ABCA1: variants seen among roughly 807,000 people sequenced by gnomAD.
The protein encoded by ABCA1 is ATP binding cassette subfamily A member 1.
Under a neutral mutation model 262.5 loss-of-function variants are expected in ABCA1, and 133 were observed. The observed-to-expected ratio is 0.51, with a 90% CI of 0.44 to 0.59. The LOEUF is 0.59. ABCA1 is among the 20% of genes least tolerant of loss of function. The pLI, the probability that ABCA1 is intolerant of heterozygous loss-of-function variation, is 0.00. For synonymous variants in ABCA1, 1,022 were observed against 1,043.5 expected, an observed-to-expected ratio of 0.98 and a Z score of 0.40; for missense variants, 2,452 against 2,777.5, an observed-to-expected ratio of 0.88 and a Z score of 2.63.
At chr9:104,790,303 A>G (rs1426448028) in intron 44 of ABCA1, among the ~76,000 whole-genome samples, 1 of 152,196 alleles carries the variant, frequency 6.6e-6, no homozygotes, top group Non-Finnish European at 1.5e-5. Context: ...TCCTGAGGAA[A>G]TAATAAAAGA....
At chr9:104,905,433 G>A (rs1841049184) in intron 1 of ABCA1, among the ~76,000 whole-genome samples, 1 of 152,196 alleles carries the variant, frequency 6.6e-6, no homozygotes, top group Admixed American at 6.5e-5. Context: ...CTACCACTAT[G>A]TATTCCAATT....
intron 38 of ABCA1, 38 bp from the exon 39 acceptor site, chr9:104,796,235 C>G (rs1262434213): frequency 1.2e-6 from 2 of 1,613,966 alleles, no homozygotes; most frequent in Admixed American, 3.3e-5. Flanking sequence ...TACTGAGAGT[C>G]CCTGCCCTCC....
intron 1 of ABCA1, among the ~76,000 whole-genome samples, chr9:104,909,344 T>C (rs977975009): frequency 2.6e-5 from 4 of 151,966 alleles, no homozygotes; most frequent in Admixed American, 2.0e-4. Flanking sequence ...CAAATAATAG[T>C]GGGTTGTTCA....
intron 9 of ABCA1, among the ~76,000 whole-genome samples, chr9:104,838,870 T>C (rs1420040543): frequency 1.3e-5 from 2 of 152,082 alleles, no homozygotes; most frequent in African/African-American, 4.8e-5. Context: ...AAATGAAGGC[T>C]TCCTTGGGTC....
chr9:104,826,404 T>C (rs528686879), intron 16 of ABCA1, among the ~76,000 whole-genome samples: 11 of 152,310 alleles, frequency 7.2e-5, no homozygotes, highest in African/African-American at 2.4e-4. Context: ...CTCTCCAAGA[T>C]ATCCCCCTGC....
At chr9:104,844,582 G>A (rs1007112367) in intron 8 of ABCA1, among the ~76,000 whole-genome samples, 1 of 151,958 alleles carries the variant, frequency 6.6e-6, no homozygotes, top group African/African-American at 2.4e-5. Context: ...TTTGATATTT[G>A]AAAAAATGAT....
At chr9:104,815,225 C>T (rs929810115) in intron 25 of ABCA1, among the ~76,000 whole-genome samples, 1 of 152,142 alleles carries the variant, frequency 6.6e-6, no homozygotes, top group Non-Finnish European at 1.5e-5. Flanking sequence ...TCTGAATGAG[C>T]GCAATCATTT....
chr9:104,807,884 A>T (rs2482434), intron 30 of ABCA1, among the ~76,000 whole-genome samples: 8,210 of 62,264 alleles, frequency 0.13, 407 homozygotes, highest in South Asian at 0.24. Flanking sequence ...ACATATATAT[A>T]TTATAAATAT....
chr9:104,887,324 A>T (rs1839268583), intron 3 of ABCA1, among the ~76,000 whole-genome samples: 1 of 152,202 alleles, frequency 6.6e-6, no homozygotes, highest in Non-Finnish European at 1.5e-5. Context: ...AGTCTCATTT[A>T]CCATCAGTAT....
At chr9:104,806,170 C>T (rs1463097086) in intron 31 of ABCA1, 71 bp downstream of exon 31, 2 of 1,475,966 alleles carry the variant, frequency 1.4e-6, no homozygotes, top group African/African-American at 2.8e-5. Context: ...TCACTCATTC[C>T]TGCTTCCAAG....
chr9:104,800,648 C>G, intron 34 of ABCA1, 64 bp from the exon 35 acceptor site: 4 of 1,477,166 alleles, frequency 2.7e-6, no homozygotes, highest in Non-Finnish European at 3.8e-6. Context: ...AACAGTCAAT[C>G]TGGAACCTGT....
intron 7 of ABCA1, among the ~76,000 whole-genome samples, chr9:104,852,100 G>A (rs1265887261): frequency 1.3e-5 from 2 of 152,132 alleles, no homozygotes; most frequent in Non-Finnish European, 2.9e-5. Context: ...TGTGTTCATT[G>A]AAACATTTCA....
At position 104,910,332 on chromosome 9, in the gene ABCA1, G is replaced by C. The variant is rs534994807; in HGVS notation, c.-92-6561C>G. 3.9e-5 allele frequency among the ~76,000 whole-genome samples: 6 copies of C among 152,296 alleles called. 1 individual carries two copies. The South Asian group carries it at 1.2e-3, about 32-fold the overall frequency. On this transcript the variant is annotated intron_variant, in intron 1 of 49. Transcript: ENST00000374736. ...GCAATCTTATAGACAGAGAAGCTGAGGCCTCCCCCAAAGCAAGTGACTTGC... is the reference window on the plus strand; with the variant it reads ...GCAATCTTATAGACAGAGAAGCTGACGCCTCCCCCAAAGCAAGTGACTTGC...
At chr9:104,847,542 T>G (rs1835001150) in intron 7 of ABCA1, among the ~76,000 whole-genome samples, 1 of 152,236 alleles carries the variant, frequency 6.6e-6, no homozygotes. Flanking sequence ...AACAGGGTTT[T>G]CAACTTCTTA....
intron 14 of ABCA1, 126 bp from the exon 15 acceptor site, chr9:104,829,264 C>T (rs1233160722): frequency 7.1e-6 from 6 of 849,172 alleles, no homozygotes; most frequent in Non-Finnish European, 1.2e-5. Flanking sequence ...GACAGGCCCT[C>T]TAGACTCTGA....
chr9:104,854,551 T>G (rs554337198), intron 7 of ABCA1, among the ~76,000 whole-genome samples: 9 of 152,160 alleles, frequency 5.9e-5, no homozygotes, highest in African/African-American at 1.9e-4. Context: ...CCAAAACAGA[T>G]TGGAGGTTTC....
chr9:104,907,042 T>C (rs1211343361), intron 1 of ABCA1, among the ~76,000 whole-genome samples: 1 of 152,172 alleles, frequency 6.6e-6, no homozygotes, highest in Non-Finnish European at 1.5e-5. Context: ...TGCCAGCTCC[T>C]CAGCACCTGA....
At chr9:104,805,386 TTTTCAA>T (rs1830675456) in intron 31 of ABCA1, among the ~76,000 whole-genome samples, 1 of 152,208 alleles carries the variant, frequency 6.6e-6, no homozygotes, top group Non-Finnish European at 1.5e-5. Flanking sequence ...CTAGCTATTA[TTTTCAA>T]GAGTGGTAAC....
At chr9:104,786,167 C>A in intron 48 of ABCA1, 131 bp downstream of exon 48, 1 of 786,616 alleles carries the variant, frequency 1.3e-6, no homozygotes, top group Non-Finnish European at 2.1e-6. Context: ...TCAAAGCCCT[C>A]ATTCTTTCCA....
Sources: gnomAD v4.1 joint callset for allele counts (sites outside exome capture counted in the v4.1 genomes callset) on GRCh38, gnomAD v4.1.1 for gene constraint, MANE v1.5 for transcripts, NCBI Gene and HGNC (gene_info 2026-07-23, HGNC 2026-07-21) for gene names.